Variants in PHACTR1 observed in about 807,000 individuals in gnomAD.
PHACTR1 encodes phosphatase and actin regulator 1, also known as RPEL repeat containing 1.
Under a neutral mutation model 69.2 loss-of-function variants are expected in PHACTR1, and 16 were observed. The observed-to-expected ratio is 0.23, with a 90% CI of 0.16 to 0.35. The LOEUF (loss-of-function observed/expected upper bound fraction) is 0.35, where lower values mean the gene tolerates loss of function less well. Ranked by LOEUF, PHACTR1 falls within the 10% of genes least tolerant of loss-of-function variation. The pLI is 1.00. For synonymous variants in PHACTR1, 312 were observed against 284.5 expected (o/e 1.10, Z -0.97); for missense variants, 510 against 734.7 (o/e 0.69, Z 3.54).
At chr6:12,956,169 A>G (rs1156736753) in intron 4 of PHACTR1, among the ~76,000 whole-genome samples, 1 of 152,254 alleles carries the variant, frequency 6.6e-6, no homozygotes, top group East Asian at 1.9e-4. Flanking sequence ...TCTCATCAAC[A>G]TAAATAGTTC....
intron 5 of PHACTR1, among the ~76,000 whole-genome samples, chr6:13,129,651 A>G (rs752648433): frequency 6.6e-6 from 1 of 152,190 alleles, no homozygotes; most frequent in Admixed American, 6.5e-5. Flanking sequence ...TCCCAAATTT[A>G]TAAAATAATT....
At chr6:13,181,700 G>C (rs1156701008) in intron 6 of PHACTR1, among the ~76,000 whole-genome samples, 1 of 152,112 alleles carries the variant, frequency 6.6e-6, no homozygotes, top group Admixed American at 6.5e-5. Flanking sequence ...AGTGGCTGCA[G>C]CCTGTTAGGT....
intron 4 of PHACTR1, among the ~76,000 whole-genome samples, chr6:12,821,586 C>A (rs1459087171): frequency 1.3e-5 from 2 of 151,712 alleles, no homozygotes; most frequent in Non-Finnish European, 2.9e-5. Flanking sequence ...TTGTCCTACA[C>A]TCCAATGTGT....
chr6:12,761,115 GA>G (rs1767978658), intron 4 of PHACTR1, among the ~76,000 whole-genome samples: 3 of 152,114 alleles, frequency 2.0e-5, no homozygotes, highest in Admixed American at 2.0e-4. Context: ...GTAACGTGTG[GA>G]TAACACTTTC....
At chr6:12,903,051 G>A (rs1435763222) in intron 4 of PHACTR1, among the ~76,000 whole-genome samples, 1 of 152,182 alleles carries the variant, frequency 6.6e-6, no homozygotes, top group East Asian at 1.9e-4. Flanking sequence ...ACGTCTTCAT[G>A]AGAGGTGACA....
intron 5 of PHACTR1, among the ~76,000 whole-genome samples, chr6:13,151,292 T>C (rs1824266373): frequency 2.0e-5 from 3 of 152,240 alleles, no homozygotes; most frequent in Admixed American, 1.3e-4. Context: ...GTTTCTGCTC[T>C]GGTAATCTGA....
chr6:13,010,306 T>G (rs1389935480), intron 4 of PHACTR1, among the ~76,000 whole-genome samples: 1 of 152,130 alleles, frequency 6.6e-6, no homozygotes, highest in Non-Finnish European at 1.5e-5. Flanking sequence ...TTTTGTGTTT[T>G]TAGTAGACAC....
At chr6:13,107,479 G>A (rs755428393) in intron 5 of PHACTR1, among the ~76,000 whole-genome samples, 4 of 152,190 alleles carry the variant, frequency 2.6e-5, no homozygotes, top group Non-Finnish European at 5.9e-5. Flanking sequence ...GTAGAATTCA[G>A]CAAAGAAGCC....
intron 4 of PHACTR1, among the ~76,000 whole-genome samples, chr6:12,842,523 C>A (rs1210700077): frequency 6.6e-6 from 1 of 152,092 alleles, no homozygotes; most frequent in Non-Finnish European, 1.5e-5. Flanking sequence ...TGCATTTAAA[C>A]AGTAAAGGTT....
chr6:13,093,962 C>T (rs1307168622), intron 5 of PHACTR1, among the ~76,000 whole-genome samples: 2 of 152,158 alleles, frequency 1.3e-5, no homozygotes, highest in Non-Finnish European at 2.9e-5. Context: ...GCCTTAAACT[C>T]CTAGGTTCAA....
In PHACTR1 at chr6:12,986,448, GC is replaced by G. The variant is rs377214025; in HGVS notation, c.251-66916del. ...CACAGCTGACAAGAATTCACGGAGT[GC>G]TATGGGCCTACTACTGTATGGTTTC... is the stretch of plus-strand genomic sequence containing the variant. On this transcript the variant is annotated intron_variant, in intron 4 of 14. Coordinates refer to ENST00000332995, the MANE Select transcript of PHACTR1 (RefSeq NM_030948.6). Among the ~76,000 whole-genome samples, 606 of 152,322 alleles carry G rather than the reference GC, an allele frequency of 4.0e-3. 5 individuals are homozygous for G. Among genetic ancestry groups the G allele is most frequent in the African/African-American group, 0.014 (563 of 41,570 alleles).
At chr6:12,856,251 C>CTT (rs201867496) in intron 4 of PHACTR1, among the ~76,000 whole-genome samples, 129 of 95,314 alleles carry the variant, frequency 1.4e-3, no homozygotes, top group South Asian at 1.7e-3. Flanking sequence ...TTCTTTCTTT[C>CTT]TTTCTTTTTT....
intron 8 of PHACTR1, among the ~76,000 whole-genome samples, chr6:13,224,238 GC>G (rs1194830491): frequency 3.3e-5 from 5 of 152,208 alleles, no homozygotes; most frequent in Admixed American, 6.5e-5. Context: ...AAGATAGTAA[GC>G]AAACAGATGA....
At chr6:12,748,878 A>C (rs1297630957) in intron 3 of PHACTR1, among the ~76,000 whole-genome samples, 1 of 152,188 alleles carries the variant, frequency 6.6e-6, no homozygotes, top group African/African-American at 2.4e-5. Context: ...CAACTCTAGA[A>C]ACCTTACTAC....
intron 4 of PHACTR1, among the ~76,000 whole-genome samples, chr6:12,932,232 CT>C (rs1788947699): frequency 6.6e-6 from 1 of 152,134 alleles, no homozygotes; most frequent in Admixed American, 6.5e-5. Flanking sequence ...ATGAATGTAG[CT>C]TGGTTTCTCC....
At chr6:13,155,458 G>C (rs984348838) in intron 5 of PHACTR1, among the ~76,000 whole-genome samples, 2 of 152,154 alleles carry the variant, frequency 1.3e-5, no homozygotes, top group African/African-American at 4.8e-5. Context: ...TCAGACATGG[G>C]GGGTAAGTGT....
chr6:12,909,718 A>T (rs1206795077), intron 4 of PHACTR1, among the ~76,000 whole-genome samples: 1 of 152,178 alleles, frequency 6.6e-6, no homozygotes, highest in Non-Finnish European at 1.5e-5. Context: ...TTCATTTGAA[A>T]CTGGACCAAT....
chr6:12,903,478 G>C (rs1785410424), intron 4 of PHACTR1, among the ~76,000 whole-genome samples: 1 of 152,220 alleles, frequency 6.6e-6, no homozygotes, highest in African/African-American at 2.4e-5. Flanking sequence ...AAGGGCAACA[G>C]GACTGGACTC....
intron 8 of PHACTR1, among the ~76,000 whole-genome samples, chr6:13,224,555 G>A (rs1247475702): frequency 6.6e-6 from 1 of 152,174 alleles, no homozygotes; most frequent in East Asian, 1.9e-4. Flanking sequence ...TTCGGAATGA[G>A]AGCCTGTATT....
Sources: gnomAD v4.1 joint callset for allele counts (sites outside exome capture counted in the v4.1 genomes callset) on GRCh38, gnomAD v4.1.1 for gene constraint, MANE v1.5 for transcripts, NCBI Gene and HGNC (gene_info 2026-07-23, HGNC 2026-07-21) for gene names.